Variants in PFKFB3 observed in about 807,000 individuals in gnomAD.
PFKFB3 encodes 6-phosphofructo-2-kinase/fructose-2,6-biphosphatase 3.
In PFKFB3, 33 loss-of-function variants were observed where a neutral mutation model predicts 68.0. The ratio of observed to expected loss-of-function variants is 0.49; its 90% CI spans 0.37 to 0.65. The LOEUF is 0.65. Ranked by LOEUF, PFKFB3 falls within the 30% of genes least tolerant of loss-of-function variation. PFKFB3 has a pLI of 0.00. For missense variants in PFKFB3, 586 were observed against 712.2 expected (o/e 0.82, Z 2.02); for synonymous variants, 315 against 288.2 (o/e 1.09, Z -0.94).
chr10:6,299,523 C>T, the PFKFB3 span, among the ~76,000 whole-genome samples: 1,628 of 152,284 alleles, frequency 0.011, 32 homozygotes, highest in African/African-American at 0.037. Context: ...AGCCTCACTC[C>T]GGCATTGATC....
chr10:6,145,841 T>C (rs1171746732), intron 1 of PFKFB3, among the ~76,000 whole-genome samples: 1 of 124,984 alleles, frequency 8.0e-6, no homozygotes, highest in African/African-American at 3.1e-5. Flanking sequence ...CTACCTGGTG[T>C]TCCTACCCGC....
intron 1 of PFKFB3, among the ~76,000 whole-genome samples, chr10:6,145,240 C>A (rs560250133): frequency 6.6e-6 from 1 of 152,012 alleles, no homozygotes; most frequent in Non-Finnish European, 1.5e-5. Context: ...CTCCTCCGGT[C>A]CTGCGTGTCC....
At chr10:6,199,482 C>CT (rs58813981), upstream of PFKFB3, among the ~76,000 whole-genome samples, 9,131 of 141,526 alleles carry the variant, frequency 0.065, 342 homozygotes, top group South Asian at 0.12. Context: ...CAGGCACTTG[C>CT]TTTTTTTTTT....
intron 1 of PFKFB3, among the ~76,000 whole-genome samples, chr10:6,210,149 GAGA>G (rs892277980): frequency 8.4e-6 from 1 of 119,172 alleles, no homozygotes; most frequent in African/African-American, 2.6e-5. Flanking sequence ...CCATTGAGAA[GAGA>G]AGAAGAAACT....
intron 14 of PFKFB3, 95 bp downstream of exon 14, chr10:6,226,460 C>A (rs1845362008): frequency 8.2e-7 from 1 of 1,223,878 alleles, no homozygotes; most frequent in Non-Finnish European, 1.1e-6. Context: ...TGCAAGAATA[C>A]GTGCGTGGGT....
chr10:6,157,834 AGTAAT>A (rs1016648131), intron 1 of PFKFB3, among the ~76,000 whole-genome samples: 112 of 152,248 alleles, frequency 7.4e-4, no homozygotes, highest in African/African-American at 2.7e-3. Context: ...TTTTTGAATG[AGTAAT>A]ATGTAACACA....
chr10:6,156,728 C>T lies in PFKFB3; in HGVS notation c.16+11715C>T, dbSNP rs559965211. 2.9e-3 allele frequency among the ~76,000 whole-genome samples: 448 copies of T among 152,040 alleles called. 4 individuals carry two copies. The highest frequency in any genetic ancestry group is 0.01 in the African/African-American group (426 of 41,508). On this transcript the variant is annotated intron_variant, in intron 1 of 14. Coordinates refer to the PFKFB3 transcript ENST00000379789. ...GTCTCGAATCCCTGACCTCGTGATC[C>T]GCCCACCTTGGCCTCCCAAAGTGCT...
chr10:6,214,177 T>C (rs1322490927), intron 2 of PFKFB3, among the ~76,000 whole-genome samples: 1 of 152,140 alleles, frequency 6.6e-6, no homozygotes, highest in Non-Finnish European at 1.5e-5. Context: ...AGGAGGTGAG[T>C]GGCAGTGAGT....
At chr10:6,253,347 T>C (rs1429546411) in intron 14 of PFKFB3, among the ~76,000 whole-genome samples, 1 of 152,252 alleles carries the variant, frequency 6.6e-6, no homozygotes, top group East Asian at 1.9e-4. Flanking sequence ...TCTCATAAGC[T>C]TGGCTGCCTT....
At chr10:6,256,752 G>A (rs1170473182), downstream of PFKFB3, among the ~76,000 whole-genome samples, 1 of 152,222 alleles carries the variant, frequency 6.6e-6, no homozygotes, top group African/African-American at 2.4e-5. Flanking sequence ...AGATGGGAGG[G>A]CCTTTCAGAC....
the PFKFB3 span, among the ~76,000 whole-genome samples, chr10:6,306,536 G>T: frequency 6.6e-6 from 1 of 152,076 alleles, no homozygotes; most frequent in African/African-American, 2.4e-5. Flanking sequence ...CTGAAGTCAG[G>T]GTTGCTTTTC....
rs1424552389 is a variant in PFKFB3, at chr10:6,154,781, G to C, written c.16+9768G>C. Among the ~76,000 whole-genome samples the C allele has an allele frequency of 6.6e-6, 1 of 152,188 alleles. No individual in the cohort carries two copies. Among genetic ancestry groups the C allele is most frequent in the Admixed American group, 6.5e-5 (1 of 15,284 alleles). On this transcript the variant is annotated intron_variant, in intron 1 of 14. Transcript: ENST00000379789. The surrounding 1 kb of genome is among the most constrained non-coding windows in gnomAD (Gnocchi z 4.6). ...GGTGAGAGAGAGTGAATCATGGGTAGCTCCCCCAGCTGCCTTCTGTCTGAT... is the reference window on the plus strand; with the variant it reads ...GGTGAGAGAGAGTGAATCATGGGTACCTCCCCCAGCTGCCTTCTGTCTGAT...
intron 14 of PFKFB3, 92 bp downstream of exon 14, chr10:6,226,457 A>G: frequency 1.5e-6 from 2 of 1,318,066 alleles, no homozygotes; most frequent in Non-Finnish European, 2.1e-6. Context: ...GTTTGCAAGA[A>G]TACGTGCGTG....
chr10:6,216,983 TC>T, intron 5 of PFKFB3, 151 bp from the exon 6 acceptor site: 1 of 881,540 alleles, frequency 1.1e-6, no homozygotes, highest in Non-Finnish European at 1.9e-6. Flanking sequence ...CATGGGGCGT[TC>T]CAGAGGCTGC....
intron 14 of PFKFB3, chr10:6,231,506 T>C (rs1845740608): frequency 1.0e-6 from 1 of 985,186 alleles, no homozygotes; most frequent in South Asian, 4.7e-5. Flanking sequence ...GGCCCCTGGG[T>C]GAAGGACGTG....
the PFKFB3 span, among the ~76,000 whole-genome samples, chr10:6,322,377 A>G: frequency 2.7e-4 from 41 of 152,240 alleles, no homozygotes; most frequent in African/African-American, 5.8e-4. Context: ...TCCCCAGGAC[A>G]GTCCATCATC....
intron 6 of PFKFB3, 52 bp from the exon 7 acceptor site, chr10:6,219,517 A>T (rs1441338880): frequency 1.2e-6 from 2 of 1,610,714 alleles, no homozygotes; most frequent in East Asian, 4.5e-5. Flanking sequence ...GCTTAATCTC[A>T]GCAGAAAGCC....
upstream of PFKFB3, among the ~76,000 whole-genome samples, chr10:6,198,161 G>T (rs1170522324): frequency 6.6e-6 from 1 of 151,186 alleles, no homozygotes. Flanking sequence ...CAGGAGAATC[G>T]CTTGAACCTG....
At chr10:6,170,850 C>T (rs1276126706) in intron 1 of PFKFB3, among the ~76,000 whole-genome samples, 1 of 151,446 alleles carries the variant, frequency 6.6e-6, no homozygotes, top group Non-Finnish European at 1.5e-5. Context: ...AGGATAAAGT[C>T]CAAAGAGATT....
Sources: gnomAD v4.1 joint callset for allele counts (sites outside exome capture counted in the v4.1 genomes callset) on GRCh38, gnomAD v4.1.1 for gene constraint, Gnocchi (gnomAD v3.1) non-coding constraint, MANE v1.5 for transcripts, NCBI Gene and HGNC (gene_info 2026-07-23, HGNC 2026-07-21) for gene names.